ARMC8: variants seen among roughly 807,000 people sequenced by gnomAD.
The protein encoded by ARMC8 is armadillo repeat-containing protein 8.
A neutral mutation model predicts 99.3 loss-of-function variants in ARMC8; 20 were observed. The observed-to-expected ratio is 0.20, with a 90% CI of 0.14 to 0.29. The LOEUF (loss-of-function observed/expected upper bound fraction) is 0.29. ARMC8 is among the 10% of genes least tolerant of loss of function. The pLI, the probability that ARMC8 is intolerant of heterozygous loss-of-function variation, is 1.00. For missense variants in ARMC8, 569 were observed against 809.5 expected (o/e 0.70, Z 3.60); for synonymous variants, 263 against 278.3 (o/e 0.95, Z 0.55).
chr3:138,236,763 C>G (rs1028966255), intron 7 of ARMC8, among the ~76,000 whole-genome samples: 14 of 151,734 alleles, frequency 9.2e-5, no homozygotes, highest in African/African-American at 3.4e-4. Flanking sequence ...CTCTTAGGAG[C>G]TTCTGGAAAT....
rs1559982709 is a variant in ARMC8, at chr3:138,245,157, G to A, written c.1108G>A (p.Ala370Thr). 6.8e-6 allele frequency: 11 copies of A among 1,614,210 alleles called. No homozygotes were observed. The highest frequency in any genetic ancestry group is 8.5e-6 in the Non-Finnish European group (10 of 1,180,036). Residue 370 changes from alanine to threonine, a missense_variant, in exon 12 of 22, where the codon GCA (alanine) becomes ACA (threonine). Physicochemically the swap from Ala to Thr is moderately conservative, Grantham distance 58. Around this residue, in one of 2 missense-constraint regions of ARMC8, gnomAD observed 227 missense variants for 417.9 expected, o/e 0.54. Transcript: ENST00000469044. ...ATTCAAGCTCTATGCCTCTCTTGGA[G>A]CAAATGATGAAGACATCCGGAAGAA... ...AAFKLYASLG[A>T]NDEDIRKKII... is the part of the protein sequence containing the mutation.
chr3:138,287,663 T>G (rs1178616640), intron 19 of ARMC8: 1 of 456,732 alleles, frequency 2.2e-6, no homozygotes, highest in South Asian at 1.5e-5. Flanking sequence ...CTTAAAAGTG[T>G]TGGCAGTTAG....
chr3:138,243,272 T>G (rs1044922612), intron 11 of ARMC8, among the ~76,000 whole-genome samples: 1 of 152,238 alleles, frequency 6.6e-6, no homozygotes, highest in Non-Finnish European at 1.5e-5. Context: ...AGAGTAAAAC[T>G]GTAACAACAA....
intron 12 of ARMC8, among the ~76,000 whole-genome samples, chr3:138,253,713 A>G (rs1438912195): frequency 6.6e-6 from 1 of 152,236 alleles, no homozygotes; most frequent in Non-Finnish European, 1.5e-5. Context: ...TACACTCATC[A>G]TGTAACATTG....
chr3:138,278,822 T>G (rs1419333822), intron 18 of ARMC8, among the ~76,000 whole-genome samples: 1 of 152,198 alleles, frequency 6.6e-6, no homozygotes. Flanking sequence ...TTGTAAATTT[T>G]ATTTTTAAAA....
intron 6 of ARMC8, among the ~76,000 whole-genome samples, chr3:138,233,525 A>G (rs2046169621): frequency 1.3e-5 from 2 of 152,186 alleles, no homozygotes; most frequent in Admixed American, 1.3e-4. Context: ...TAAAAATAAG[A>G]AACTCAAAGT....
At chr3:138,266,816 G>A (rs1302679682) in intron 14 of ARMC8, among the ~76,000 whole-genome samples, 1 of 152,178 alleles carries the variant, frequency 6.6e-6, no homozygotes, top group Non-Finnish European at 1.5e-5. Context: ...GGGCTTGACT[G>A]ATGGAGTAGA....
At chr3:138,227,364 A>C (rs1012425042) in intron 5 of ARMC8, among the ~76,000 whole-genome samples, 1 of 152,050 alleles carries the variant, frequency 6.6e-6, no homozygotes, top group African/African-American at 2.4e-5. Flanking sequence ...TAATCTACCT[A>C]TTTGCCTTTT....
intron 11 of ARMC8, 127 bp from the exon 12 acceptor site, chr3:138,244,961 G>A (rs1360754221): frequency 1.1e-5 from 12 of 1,123,270 alleles, no homozygotes; most frequent in South Asian, 6.5e-5. Context: ...ACTGGGAAAT[G>A]TAGTTAATGA....
intron 12 of ARMC8, among the ~76,000 whole-genome samples, chr3:138,261,208 C>G (rs1017470363): frequency 6.6e-6 from 1 of 152,120 alleles, no homozygotes; most frequent in South Asian, 2.1e-4. Flanking sequence ...AAGGTCCCAA[C>G]TAGTTTAATG....
chr3:138,193,083 C>T (rs991971827), intron 1 of ARMC8, among the ~76,000 whole-genome samples: 1 of 151,928 alleles, frequency 6.6e-6, no homozygotes, highest in Non-Finnish European at 1.5e-5. Flanking sequence ...ATTCTCCTCT[C>T]TCAGCCTCCC....
intron 7 of ARMC8, among the ~76,000 whole-genome samples, chr3:138,235,745 C>G (rs1439709316): frequency 6.6e-6 from 1 of 150,378 alleles, no homozygotes; most frequent in Non-Finnish European, 1.5e-5. Context: ...AACAGGGAAG[C>G]AGTCATTTTT....
intron 2 of ARMC8, among the ~76,000 whole-genome samples, chr3:138,219,727 G>A (rs568115612): frequency 4.6e-5 from 7 of 152,084 alleles, no homozygotes; most frequent in Non-Finnish European, 1.0e-4. Context: ...AAGCCAAAGC[G>A]AGAATCTTTT....
chr3:138,280,187 A>C (rs1159318016), intron 18 of ARMC8, among the ~76,000 whole-genome samples: 1 of 152,108 alleles, frequency 6.6e-6, no homozygotes, highest in Non-Finnish European at 1.5e-5. Context: ...TACAGACATG[A>C]GCCACTGTGC....
intron 19 of ARMC8, among the ~76,000 whole-genome samples, chr3:138,284,858 A>T (rs1214030926): frequency 1.3e-5 from 2 of 152,274 alleles, no homozygotes; most frequent in Admixed American, 6.5e-5. Context: ...CTTCAGTCCC[A>T]TGGTGGATGA....
intron 6 of ARMC8, 54 bp from the exon 7 acceptor site, chr3:138,234,980 T>C (rs1380699895): frequency 2.1e-6 from 3 of 1,411,404 alleles, no homozygotes; most frequent in African/African-American, 2.8e-5. Flanking sequence ...TGTGGTTTTA[T>C]TGGAATGAGT....
rs1576686064 is a variant in ARMC8, at chr3:138,229,178, A to ATATATATGTATATG, written c.528+173_528+174insATGTATATGTATAT. The ATATATATGTATATG allele has an allele frequency of 4.1e-4, 13 of 32,098 alleles. 1 individual carries two copies. The highest frequency in any genetic ancestry group is 1.3e-3 in the South Asian group (1 of 786). The allele number at this position is 32,098 out of a possible 1,614,324, so 2.0% of individuals were successfully genotyped here. On this transcript the variant is annotated intron_variant, in intron 6 of 21. Coordinates refer to ENST00000469044, the MANE Select transcript of ARMC8 (RefSeq NM_001363941.2). ...TATATATATATATATATATATATAT[A>ATATATATGTATATG]TATATGTATATGTATATGTATATGT... is the stretch of plus-strand genomic sequence containing the variant.
intron 14 of ARMC8, among the ~76,000 whole-genome samples, chr3:138,266,190 T>C (rs981032646): frequency 6.6e-6 from 1 of 152,228 alleles, no homozygotes; most frequent in Non-Finnish European, 1.5e-5. Context: ...ATTAGACATA[T>C]GTCATCTCTT....
At chr3:138,232,145 A>AT (rs888919418) in intron 6 of ARMC8, among the ~76,000 whole-genome samples, 33 of 148,272 alleles carry the variant, frequency 2.2e-4, no homozygotes, top group Admixed American at 1.3e-3. Context: ...TAATTTTCAT[A>AT]TTTTTTTTTA....
Sources: gnomAD v4.1 joint callset for allele counts (sites outside exome capture counted in the v4.1 genomes callset) on GRCh38, gnomAD v4.1.1 for gene constraint, gnomAD v4.1.1 regional missense constraint, MANE v1.5 for transcripts, NCBI Gene and HGNC (gene_info 2026-07-23, HGNC 2026-07-21) for gene names.